NSUN6: variants seen among roughly 807,000 people sequenced by gnomAD.
NSUN6 encodes the protein tRNA (cytosine(72)-C(5))-methyltransferase NSUN6.
In NSUN6, 64 loss-of-function variants were observed where a neutral mutation model predicts 58.0. The observed-to-expected ratio is 1.10, with a 90% confidence interval of 0.90 to 1.36. NSUN6 has a LOEUF of 1.36. Ranked by LOEUF, NSUN6 falls within the 40% of genes most tolerant of loss-of-function variation. The pLI is 0.00. For synonymous variants in NSUN6, 231 were observed against 193.9 expected (o/e 1.19, Z -1.59); for missense variants, 701 against 550.1 (o/e 1.27, Z -2.74).
At chr10:18,655,551 T>TTTAGTG (rs2059767699), upstream of NSUN6, among the ~76,000 whole-genome samples, 1 of 152,176 alleles carries the variant, frequency 6.6e-6, no homozygotes, top group Admixed American at 6.5e-5. Flanking sequence ...GTGACCTAAA[T>TTTAGTG]TCTGACATGT....
At position 18,651,251 on chromosome 10, in the gene NSUN6, G is replaced by GTTT. The variant is rs775113537; in HGVS notation, c.-51_-49dup. ...ACCAAGAGAAATGCTGGAAAACGGT[G>GTTT]TTTTGTTTTTTTTTTTCTTTCCGAA... is the stretch of plus-strand genomic sequence containing the variant. On this transcript the variant is annotated 5_prime_UTR_variant, in exon 1 of 11. Transcript: ENST00000377304. 2 of 1,474,516 alleles carry GTTT rather than the reference G, an allele frequency of 1.4e-6. No individual in the cohort carries two copies. Among genetic ancestry groups the GTTT allele is most frequent in the South Asian group, 1.3e-5 (1 of 74,854 alleles). The allele number at this position is 1,474,516 out of a possible 1,614,324, so 91.3% of individuals were successfully genotyped here.
At chr10:18,624,811 T>A (rs1030318476) in intron 3 of NSUN6, among the ~76,000 whole-genome samples, 11 of 152,078 alleles carry the variant, frequency 7.2e-5, no homozygotes, top group Non-Finnish European at 1.5e-5. Flanking sequence ...AGCTAGAAAC[T>A]GGAATGAGTT....
chr10:18,602,392 C>T (rs1174464566), intron 6 of NSUN6, among the ~76,000 whole-genome samples: 2 of 152,040 alleles, frequency 1.3e-5, no homozygotes, highest in South Asian at 2.1e-4. Context: ...TACAGGTGCC[C>T]GCCACCACGC....
intron 8 of NSUN6, among the ~76,000 whole-genome samples, chr10:18,560,530 G>C (rs1231126882): frequency 6.6e-6 from 1 of 151,680 alleles, no homozygotes; most frequent in Non-Finnish European, 1.5e-5. Context: ...ATGGAGAATG[G>C]AATGGAATAC....
intron 8 of NSUN6, among the ~76,000 whole-genome samples, chr10:18,576,544 C>G (rs1043679064): frequency 6.6e-6 from 1 of 152,146 alleles, no homozygotes; most frequent in Admixed American, 6.6e-5. Context: ...GATTCTACAG[C>G]CTGGGGTAAC....
intron 3 of NSUN6, among the ~76,000 whole-genome samples, chr10:18,628,106 T>C (rs372199731): frequency 3.9e-4 from 59 of 152,222 alleles, no homozygotes; most frequent in Middle Eastern, 3.4e-3. Flanking sequence ...CCCTGACCCC[T>C]GAGCAGCCTA....
rs1260561447 is a variant in NSUN6, at chr10:18,581,824, C to CA, written c.922+4124dup. The stretch of plus-strand genomic sequence containing the variant: ...CTGGTGACAGAGTGAGATTCCATCT[C>CA]AAAAAAAAAAAAAAGGGAAACCAGC... On this transcript the variant is annotated intron_variant, in intron 8 of 10. Transcript: ENST00000377304. 5.2e-3 allele frequency among the ~76,000 whole-genome samples: 550 copies of CA among 106,478 alleles called. 2 individuals are homozygous for CA. The highest frequency in any genetic ancestry group is 0.01 in the Admixed American group (102 of 10,084). The allele number at this position is 106,478 out of a possible 152,430, so 69.9% of individuals were successfully genotyped here. A position where few individuals can be genotyped will look rare whatever the true frequency, so the allele number is the denominator to read the frequency against.
intron 4 of NSUN6, among the ~76,000 whole-genome samples, chr10:18,615,114 TATATATATATATATACACACACATA>T (rs1004472460): frequency 4.0e-5 from 6 of 149,000 alleles, no homozygotes; most frequent in African/African-American, 1.2e-4. Flanking sequence ...TTCATATATA[TATATATATATATATACACACACATA>T]TAGGCACACA....
chr10:18,594,985 C>T (rs1431094446), intron 7 of NSUN6, among the ~76,000 whole-genome samples: 1 of 152,196 alleles, frequency 6.6e-6, no homozygotes, highest in Non-Finnish European at 1.5e-5. Flanking sequence ...TCACCAGCCC[C>T]CAACTACTGC....
chr10:18,651,331 G>T lies in NSUN6; in HGVS notation c.-128C>A. 3.6e-6 allele frequency: 5 copies of T among 1,399,700 alleles called. No homozygotes were observed. In the South Asian group the frequency reaches 6.6e-5, roughly 18 times the overall value. The allele number at this position is 1,399,700 out of a possible 1,614,324, so 86.7% of individuals were successfully genotyped here. A position where few individuals can be genotyped will look rare whatever the true frequency, so the allele number is the denominator to read the frequency against. On this transcript the variant is annotated 5_prime_UTR_variant, in exon 1 of 11. Coordinates refer to ENST00000377304, the MANE Select transcript of NSUN6 (RefSeq NM_182543.5). ...TGCTGAGGAAAATCTTGCCGATCAC[G>T]CTGAGTTAATTTCGGAAATGCAGAG...
chr10:18,601,524 T>TGAGGAAAACCAAGC (rs2131259446), intron 6 of NSUN6, among the ~76,000 whole-genome samples: 1 of 58,890 alleles, frequency 1.7e-5, no homozygotes, highest in African/African-American at 6.5e-5. Context: ...ATTTTCCTAG[T>TGAGGAAAACCAAGC]GGCTGGACTA....
chr10:18,630,184 T>C (rs2058976459), intron 3 of NSUN6, among the ~76,000 whole-genome samples: 1 of 143,480 alleles, frequency 7.0e-6, no homozygotes, highest in African/African-American at 2.6e-5. Context: ...AAGGCAGAAA[T>C]AAAGATGTTC....
intron 3 of NSUN6, among the ~76,000 whole-genome samples, chr10:18,638,043 A>C: frequency 6.6e-6 from 1 of 152,328 alleles, no homozygotes; most frequent in African/African-American, 2.4e-5. Context: ...ATTTATGTAC[A>C]ACTCTAGTTT....
intron 1 of NSUN6, among the ~76,000 whole-genome samples, chr10:18,649,498 CCT>C (rs2059642677): frequency 6.6e-6 from 1 of 152,028 alleles, no homozygotes; most frequent in East Asian, 1.9e-4. Flanking sequence ...AGTGGTGGCC[CCT>C]GTCTGAGGTC....
At chr10:18,564,295 C>CTCCAT (rs568814026) in intron 8 of NSUN6, among the ~76,000 whole-genome samples, 44 of 151,290 alleles carry the variant, frequency 2.9e-4, no homozygotes, top group African/African-American at 9.9e-4. Context: ...CTATTCCATT[C>CTCCAT]TCCATTCCAT....
intron 3 of NSUN6, among the ~76,000 whole-genome samples, chr10:18,637,393 A>G (rs1454905808): frequency 1.3e-5 from 2 of 152,246 alleles, no homozygotes; most frequent in Non-Finnish European, 2.9e-5. Context: ...AGATCACTAC[A>G]AAGAACAGAA....
intron 8 of NSUN6, among the ~76,000 whole-genome samples, chr10:18,584,971 T>C (rs973253571): frequency 2.2e-5 from 3 of 134,618 alleles, no homozygotes; most frequent in African/African-American, 5.6e-5. Context: ...CTATTTCAAA[T>C]AGATCTTTCA....
chr10:18,589,454 AG>A (rs890519297), intron 7 of NSUN6, among the ~76,000 whole-genome samples: 3 of 152,146 alleles, frequency 2.0e-5, no homozygotes, highest in Non-Finnish European at 4.4e-5. Context: ...AGCAACCCCA[AG>A]ACACATAATC....
intron 3 of NSUN6, among the ~76,000 whole-genome samples, chr10:18,632,095 A>C (rs1031033663): frequency 3.3e-5 from 5 of 151,038 alleles, no homozygotes; most frequent in Admixed American, 6.6e-5. Context: ...CTCAGAAATA[A>C]TGCCGCATAT....
Sources: allele counts gnomAD v4.1 joint callset (sites outside exome capture counted in the v4.1 genomes callset), GRCh38; gene constraint gnomAD v4.1.1; transcripts MANE v1.5; gene names NCBI Gene and HGNC (gene_info 2026-07-23, HGNC 2026-07-21).